PARD3: variants seen among roughly 807,000 people sequenced by gnomAD.
The protein encoded by PARD3 is partitioning defective 3 homolog.
Under a neutral mutation model 155.4 loss-of-function variants are expected in PARD3, and 75 were observed. The observed-to-expected ratio is 0.48, with a 90% CI of 0.40 to 0.58. The LOEUF (loss-of-function observed/expected upper bound fraction) is 0.58. Ranked by LOEUF, PARD3 falls within the 20% of genes least tolerant of loss-of-function variation. The pLI, the probability that PARD3 is intolerant of heterozygous loss-of-function variation, is 0.00. For missense variants in PARD3, 1,642 were observed against 1,721.7 expected (o/e 0.95, Z 0.82); for synonymous variants, 576 against 610.5 (o/e 0.94, Z 0.83).
At chr10:34,516,599 A>G (rs1202984927) in intron 3 of PARD3, among the ~76,000 whole-genome samples, 1 of 152,194 alleles carries the variant, frequency 6.6e-6, no homozygotes, top group East Asian at 1.9e-4. Context: ...AATAATATAA[A>G]TGACGGTTGT....
At chr10:34,155,676 G>A (rs1948972920) in intron 22 of PARD3, among the ~76,000 whole-genome samples, 1 of 133,642 alleles carries the variant, frequency 7.5e-6, no homozygotes, top group Admixed American at 7.0e-5. Context: ...AAATGTGTGT[G>A]TGTGTGTGTG....
chr10:34,732,312 G>T (rs1320239007), intron 1 of PARD3, among the ~76,000 whole-genome samples: 1 of 152,158 alleles, frequency 6.6e-6, no homozygotes, highest in African/African-American at 2.4e-5. Context: ...AGGGTAGGAG[G>T]CCTGAAGTAA....
At chr10:34,306,259 C>T (rs984739396) in intron 20 of PARD3, among the ~76,000 whole-genome samples, 10 of 148,406 alleles carry the variant, frequency 6.7e-5, no homozygotes, top group Admixed American at 1.3e-4. Context: ...CCAGCCTGGG[C>T]GACAGAGCAA....
intron 2 of PARD3, among the ~76,000 whole-genome samples, chr10:34,569,863 A>G (rs569150058): frequency 2.3e-4 from 35 of 150,568 alleles, no homozygotes; most frequent in Non-Finnish European, 4.6e-4. Flanking sequence ...TTAAATGACC[A>G]TTAGTTATGC....
At position 34,305,971 on chromosome 10, in the gene PARD3, T is replaced by C. The variant is rs372485336; in HGVS notation, c.3065+11136A>G. Among the ~76,000 whole-genome samples, 104 of 152,136 alleles carry C rather than the reference T, an allele frequency of 6.8e-4. 1 individual carries two copies. In the South Asian group the frequency reaches 0.021, roughly 31 times the overall value. On this transcript the variant is annotated intron_variant, in intron 20 of 24. Coordinates refer to ENST00000374788, the MANE Select transcript of PARD3 (RefSeq NM_001184785.2). ...CAGCCTGGGTGACAGAGCAAGATCCTGTCTCTAAAAAAATTTTTTTATTAA... is the reference window on the plus strand; with the variant it reads ...CAGCCTGGGTGACAGAGCAAGATCCCGTCTCTAAAAAAATTTTTTTATTAA...
chr10:34,257,111 T>C (rs1954691647), intron 22 of PARD3, among the ~76,000 whole-genome samples: 1 of 152,120 alleles, frequency 6.6e-6, no homozygotes, highest in Admixed American at 6.5e-5. Flanking sequence ...AGTAATCAAA[T>C]AGTTATTTAC....
chr10:34,470,750 TGAATC>T, intron 3 of PARD3, among the ~76,000 whole-genome samples: 1 of 152,296 alleles, frequency 6.6e-6, no homozygotes, highest in Non-Finnish European at 1.5e-5. Context: ...TAAAAAATAA[TGAATC>T]TAAGCAAGTA....
chr10:34,415,196 G>A (rs1169797919), intron 5 of PARD3, among the ~76,000 whole-genome samples: 2 of 152,150 alleles, frequency 1.3e-5, no homozygotes. Flanking sequence ...GGGTCAGGAG[G>A]TGGGGAAGCC....
chr10:34,296,121 T>G (rs1334992592), intron 20 of PARD3, among the ~76,000 whole-genome samples: 2 of 152,166 alleles, frequency 1.3e-5, no homozygotes, highest in East Asian at 3.8e-4. Flanking sequence ...TTACCTCCAC[T>G]GCTTTCAATG....
intron 2 of PARD3, among the ~76,000 whole-genome samples, chr10:34,520,581 C>T (rs911391063): frequency 2.6e-5 from 4 of 152,174 alleles, no homozygotes; most frequent in Admixed American, 1.3e-4. Context: ...CAAACTTTCT[C>T]GAAAAGAATA....
intron 2 of PARD3, among the ~76,000 whole-genome samples, chr10:34,671,142 C>T (rs901104314): frequency 3.9e-5 from 6 of 152,180 alleles, no homozygotes; most frequent in African/African-American, 1.4e-4. Context: ...GTTTAGGCTG[C>T]AACACACAGC....
chr10:34,190,201 C>T (rs978775794), intron 22 of PARD3, among the ~76,000 whole-genome samples: 2 of 152,112 alleles, frequency 1.3e-5, no homozygotes, highest in Non-Finnish European at 2.9e-5. Flanking sequence ...AGTTTTGATC[C>T]AGAAAAATAT....
intron 2 of PARD3, among the ~76,000 whole-genome samples, chr10:34,649,035 T>C (rs2092928490): frequency 6.6e-6 from 1 of 152,154 alleles, no homozygotes; most frequent in African/African-American, 2.4e-5. Context: ...TGAACTTTGA[T>C]GGATTTATAG....
intron 2 of PARD3, among the ~76,000 whole-genome samples, chr10:34,626,962 A>G (rs1400555494): frequency 8.5e-5 from 13 of 152,066 alleles, no homozygotes; most frequent in Admixed American, 7.9e-4. Context: ...CTATATTTTT[A>G]TAAGACTCCA....
In PARD3 at chr10:34,331,137, T is replaced by A. The variant is rs1217447335; in HGVS notation, c.2813A>T (p.Asp938Val). The A allele has an allele frequency of 6.2e-7, 1 of 1,613,644 alleles. No individual in the cohort carries two copies. Among genetic ancestry groups the A allele is most frequent in the African/African-American group, 1.3e-5 (1 of 75,028 alleles). ...CTTACAGGTCTCCATGCCTTCATCA[T>A]CATCATCTACCGCGGGTTTATCATA... ...KSYDKPAVDD[D>V]DEGMETLEED... Residue 938 changes from aspartate to valine, a missense_variant, in exon 19 of 25, where the codon GAT becomes GTT. By Grantham distance (152) the Asp-to-Val change is radical. This residue lies in a region of PARD3 where 1,529 missense variants were observed against 1,587.3 expected (regional missense o/e 0.96). Transcript: ENST00000374788.
At chr10:34,766,262 C>T (rs1039357727) in intron 1 of PARD3, among the ~76,000 whole-genome samples, 10 of 152,050 alleles carry the variant, frequency 6.6e-5, no homozygotes, top group South Asian at 2.1e-4. Flanking sequence ...GTATGGGGGA[C>T]GTGGGGGGAT....
rs533621311 is a variant in PARD3, at chr10:34,567,743, T to C, written c.223-50584A>G. ...ATTCATTTAAACAATAAGATAAAAA[T>C]AGGAAGATCTGAAACCAGCAGCTAC... On this transcript the variant is annotated intron_variant, in intron 2 of 24. Transcript: ENST00000374788. Among the ~76,000 whole-genome samples, 88 of 152,284 alleles carry C rather than the reference T, an allele frequency of 5.8e-4. No individual in the cohort carries two copies. The Middle Eastern group carries it at 0.01, about 18-fold the overall frequency.
intron 2 of PARD3, among the ~76,000 whole-genome samples, chr10:34,690,935 G>A (rs79103227): frequency 0.016 from 2,432 of 152,242 alleles, 37 homozygotes; most frequent in Non-Finnish European, 0.021. Flanking sequence ...AAACACAGCC[G>A]AGCGCAGTGG....
At chr10:34,695,487 A>AG (rs2094151200) in intron 2 of PARD3, among the ~76,000 whole-genome samples, 1 of 151,514 alleles carries the variant, frequency 6.6e-6, no homozygotes, top group South Asian at 2.1e-4. Context: ...CAAAAAAAAA[A>AG]AAAAAAAAGA....
Sources: allele counts gnomAD v4.1 joint callset (sites outside exome capture counted in the v4.1 genomes callset), GRCh38; gene constraint gnomAD v4.1.1; regional missense constraint gnomAD v4.1.1; transcripts MANE v1.5; gene names NCBI Gene and HGNC (gene_info 2026-07-23, HGNC 2026-07-21).